Variants in TCF4 observed in about 807,000 individuals in gnomAD.
The protein encoded by TCF4 is transcription factor 4, also known as SL3-3 enhancer factor 2.
TCF4 carries 3 observed loss-of-function variants against 82.1 expected under a neutral mutation model. The observed-to-expected ratio is 0.04, with a 90% CI of 0.02 to 0.09. TCF4 has a LOEUF of 0.09. Among genes scored for constraint, TCF4 ranks in the 10% least tolerant of loss-of-function variants. The pLI is 1.00. For missense variants in TCF4, 518 were observed against 852.7 expected, an observed-to-expected ratio of 0.61 and a Z score of 4.89; for synonymous variants, 276 against 309.6, an observed-to-expected ratio of 0.89 and a Z score of 1.14.
At chr18:55,436,073 A>G (rs1299633957) in intron 5 of TCF4, among the ~76,000 whole-genome samples, 1 of 152,260 alleles carries the variant, frequency 6.6e-6, no homozygotes, top group East Asian at 1.9e-4. Context: ...AAAAACTGAT[A>G]GTAATCACTA....
chr18:55,273,839 T>C (rs901096206), intron 10 of TCF4, among the ~76,000 whole-genome samples: 2 of 152,204 alleles, frequency 1.3e-5, no homozygotes, highest in Non-Finnish European at 2.9e-5. Context: ...AAAAGGAATA[T>C]AGTTGGTTTC....
At chr18:55,367,635 C>T (rs1051650496) in intron 6 of TCF4, among the ~76,000 whole-genome samples, 2 of 152,158 alleles carry the variant, frequency 1.3e-5, no homozygotes, top group African/African-American at 2.4e-5. Context: ...GACAAATCAA[C>T]GTCCTCCTCA....
At chr18:55,378,271 C>G (rs1031354667) in intron 6 of TCF4, among the ~76,000 whole-genome samples, 1 of 152,156 alleles carries the variant, frequency 6.6e-6, no homozygotes, top group African/African-American at 2.4e-5. Flanking sequence ...TATAGCTTGG[C>G]TAATAACCAT....
At chr18:55,388,950 C>T (rs1183468312) in intron 6 of TCF4, among the ~76,000 whole-genome samples, 1 of 151,766 alleles carries the variant, frequency 6.6e-6, no homozygotes, top group African/African-American at 2.4e-5. Context: ...GGTGAAACCC[C>T]ATCTCTACTA....
chr18:55,509,326 C>G (rs1281310662), intron 3 of TCF4, among the ~76,000 whole-genome samples: 1 of 137,942 alleles, frequency 7.2e-6, no homozygotes, highest in Admixed American at 8.1e-5. Flanking sequence ...AAAACACTCA[C>G]ACAGACAGAC....
chr18:55,429,787 A>AAAC, intron 5 of TCF4, among the ~76,000 whole-genome samples: 1 of 150,826 alleles, frequency 6.6e-6, no homozygotes, highest in Non-Finnish European at 1.5e-5. Flanking sequence ...AAAAAAAAAA[A>AAAC]AACAATTTGG....
chr18:55,397,223 T>C (rs926833643), intron 6 of TCF4, among the ~76,000 whole-genome samples: 1 of 152,232 alleles, frequency 6.6e-6, no homozygotes, highest in African/African-American at 2.4e-5. Context: ...GGAATGTAAT[T>C]TGATATACAC....
intron 8 of TCF4, among the ~76,000 whole-genome samples, chr18:55,317,419 T>C (rs2074415625): frequency 1.3e-5 from 2 of 151,954 alleles, no homozygotes; most frequent in African/African-American, 4.8e-5. Flanking sequence ...GTATAAGAAA[T>C]ATATTTTTAA....
intron 8 of TCF4, among the ~76,000 whole-genome samples, chr18:55,289,674 G>C: frequency 6.6e-6 from 1 of 152,130 alleles, no homozygotes; most frequent in Non-Finnish European, 1.5e-5. Context: ...AAATAGCTTT[G>C]TGACCTCTGA....
chr18:55,532,320 C>A (rs1219586676), intron 3 of TCF4, among the ~76,000 whole-genome samples: 4 of 152,098 alleles, frequency 2.6e-5, no homozygotes, highest in Non-Finnish European at 5.9e-5. Flanking sequence ...TGGCTAGATC[C>A]CCAATCCTTA....
chr18:55,313,715 C>T (rs1377081102), intron 8 of TCF4, among the ~76,000 whole-genome samples: 1 of 151,956 alleles, frequency 6.6e-6, no homozygotes, highest in African/African-American at 2.4e-5. Context: ...CAGGGGAGAG[C>T]CGGGCTCAAG....
At chr18:55,273,979 A>AAAGT (rs1485596443) in intron 10 of TCF4, among the ~76,000 whole-genome samples, 1 of 152,180 alleles carries the variant, frequency 6.6e-6, no homozygotes, top group Non-Finnish European at 1.5e-5. Context: ...AGAAAGAAAG[A>AAAGT]AACACAGAAG....
chr18:55,305,406 TTCTC>T (rs1258955109), intron 8 of TCF4, among the ~76,000 whole-genome samples: 9 of 152,190 alleles, frequency 5.9e-5, no homozygotes, highest in African/African-American at 2.2e-4. Flanking sequence ...CTTTAACTCT[TTCTC>T]TGTGAAAATT....
chr18:55,232,262 G>C (rs1410023831), intron 17 of TCF4: 1 of 474,388 alleles, frequency 2.1e-6, no homozygotes, highest in African/African-American at 1.9e-5. Context: ...TTGAATCAGA[G>C]ACAAATTTTT....
chr18:55,238,492 T>G (rs900063408), intron 15 of TCF4, among the ~76,000 whole-genome samples: 2 of 152,222 alleles, frequency 1.3e-5, no homozygotes, highest in Non-Finnish European at 2.9e-5. Flanking sequence ...TCCTGGTTTT[T>G]GTGGAACTCA....
chr18:55,531,005 GC>G (rs750820386), intron 3 of TCF4, among the ~76,000 whole-genome samples: 2 of 151,834 alleles, frequency 1.3e-5, no homozygotes, highest in South Asian at 4.2e-4. Context: ...AGGCGGGAGT[GC>G]AGTGGTGTAA....
intron 2 of TCF4, among the ~76,000 whole-genome samples, chr18:55,621,801 GTTATA>G (rs538593928): frequency 0.085 from 7,403 of 87,566 alleles, 587 homozygotes; most frequent in East Asian, 0.44. Context: ...TATATTATAT[GTTATA>G]TTATATATTA....
At chr18:55,479,550 G>C (rs895359472) in intron 3 of TCF4, among the ~76,000 whole-genome samples, 1 of 152,180 alleles carries the variant, frequency 6.6e-6, no homozygotes, top group African/African-American at 2.4e-5. Context: ...AATGTGAGCA[G>C]AAGTAATACT....
intron 15 of TCF4, among the ~76,000 whole-genome samples, chr18:55,244,880 TG>T (rs1568411660): frequency 5.3e-5 from 8 of 152,294 alleles, no homozygotes; most frequent in African/African-American, 1.9e-4. Context: ...AGAAGGCAAA[TG>T]TGAAATTAAA....
Sources: allele counts gnomAD v4.1 joint callset (sites outside exome capture counted in the v4.1 genomes callset), GRCh38; gene constraint gnomAD v4.1.1; transcripts MANE v1.5; gene names NCBI Gene and HGNC (gene_info 2026-07-23, HGNC 2026-07-21).